The following KSR2 variants were observed in gnomAD, a reference collection of about 807,000 sequenced individuals.
KSR2 encodes kinase suppressor of ras 2.
Under a neutral mutation model 107.8 loss-of-function variants are expected in KSR2, and 25 were observed. The ratio of observed to expected loss-of-function variants is 0.23; its 90% CI spans 0.17 to 0.32. The LOEUF is 0.32. KSR2 is among the 10% of genes least tolerant of loss of function. The pLI is 1.00. For synonymous variants in KSR2, 480 were observed against 507.0 expected (o/e 0.95, Z 0.71); for missense variants, 887 against 1,268.9 (o/e 0.70, Z 4.57).
At chr12:117,545,885 T>G (rs1876831942) in intron 9 of KSR2, among the ~76,000 whole-genome samples, 1 of 152,196 alleles carries the variant, frequency 6.6e-6, no homozygotes, top group South Asian at 2.1e-4. Context: ...TTTACCAGTT[T>G]GAGTGAAGTT....
At chr12:117,638,756 T>C (rs2136396214) in intron 5 of KSR2, among the ~76,000 whole-genome samples, 1 of 152,092 alleles carries the variant, frequency 6.6e-6, no homozygotes, top group East Asian at 1.9e-4. Flanking sequence ...ATTTCTCAAG[T>C]TCAAATTCAG....
chr12:117,555,241 A>G lies in KSR2; in HGVS notation c.1446T>C (p.Pro482=). The change falls in exon 9 of 20, where the codon CCT becomes CCC. Residue 482 remains proline (P), a synonymous_variant. Transcript: ENST00000339824. The part of the protein sequence containing the change: ...TESVPCDINN[P]LRKPPRYSDL... ...CTGAATAGCGAGGTGGCTTCCGTAG[A>G]GGGTTGTTGATGTCACACGGAACGG... 1.2e-6 allele frequency: 2 copies of G among 1,613,824 alleles called. No individual in the cohort carries two copies. The highest frequency in any genetic ancestry group is 8.5e-7 in the Non-Finnish European group (1 of 1,179,768).
intron 3 of KSR2, among the ~76,000 whole-genome samples, chr12:117,839,917 C>A (rs1023466142): frequency 1.3e-5 from 2 of 152,162 alleles, no homozygotes; most frequent in Admixed American, 6.5e-5. Flanking sequence ...GAGGAGGATT[C>A]TTTTCCTTCA....
rs1210857154 is a variant in KSR2 at position 117,887,804 on chromosome 12, A to C, written c.181-27373T>G. ...GTTTCCTTTCATGCATTAAAAAATAAAAATAAAAAAAAATTTTAAAAAACT... is the reference window on the plus strand; with the variant it reads ...GTTTCCTTTCATGCATTAAAAAATACAAATAAAAAAAAATTTTAAAAAACT... On this transcript the variant is annotated intron_variant, in intron 1 of 19. Transcript: ENST00000339824. Among the ~76,000 whole-genome samples, 4 of 152,166 alleles carry C rather than the reference A, an allele frequency of 2.6e-5. No individual in the cohort carries two copies. The East Asian group carries it at 5.8e-4, about 22-fold the overall frequency.
At chr12:117,624,665 TC>T (rs1882372365) in intron 5 of KSR2, among the ~76,000 whole-genome samples, 1 of 152,200 alleles carries the variant, frequency 6.6e-6, no homozygotes, top group Non-Finnish European at 1.5e-5. Context: ...CCAGCTTTGT[TC>T]TTTTGGCTTA....
chr12:117,870,621 A>G (rs960443174), intron 1 of KSR2, among the ~76,000 whole-genome samples: 3 of 152,122 alleles, frequency 2.0e-5, no homozygotes, highest in African/African-American at 7.2e-5. Context: ...GAAAAGAAAA[A>G]AAAATTATCT....
At chr12:117,786,019 A>G (rs546413079) in intron 3 of KSR2, among the ~76,000 whole-genome samples, 1 of 152,340 alleles carries the variant, frequency 6.6e-6, no homozygotes, top group South Asian at 2.1e-4. Flanking sequence ...GCCTAGGCAC[A>G]TCATAATCAA....
chr12:117,476,994 C>A (rs1871826597), intron 16 of KSR2, among the ~76,000 whole-genome samples: 1 of 152,182 alleles, frequency 6.6e-6, no homozygotes, highest in Non-Finnish European at 1.5e-5. Flanking sequence ...ATAATTTTAA[C>A]CCTAAAAACA....
In KSR2 at chr12:117,538,894, G is replaced by A. The variant is rs1814644840; in HGVS notation, c.1687+825C>T. The stretch of plus-strand genomic sequence containing the variant: ...TGCCATAAATATGGCTGAGTTGGAA[G>A]CATTCTTAGGGCCCTAGCAGAGGAA... On this transcript the variant is annotated intron_variant, in intron 10 of 19. Transcript: ENST00000339824. Among the ~76,000 whole-genome samples the A allele has an allele frequency of 5.3e-5, 8 of 152,232 alleles. No homozygotes were observed. In the South Asian group the frequency reaches 1.7e-3, roughly 32 times the overall value.
At chr12:117,707,883 T>C (rs1247804177) in intron 4 of KSR2, among the ~76,000 whole-genome samples, 1 of 152,192 alleles carries the variant, frequency 6.6e-6, no homozygotes, top group Non-Finnish European at 1.5e-5. Flanking sequence ...ATCAATGATC[T>C]CTGGTAGTAT....
chr12:117,846,333 G>A (rs950097079), intron 3 of KSR2, among the ~76,000 whole-genome samples: 4 of 138,882 alleles, frequency 2.9e-5, no homozygotes, highest in Admixed American at 1.5e-4. Context: ...TCACTCTGTC[G>A]CCCAGGCTGG....
At chr12:117,831,551 C>T (rs1003665457) in intron 3 of KSR2, among the ~76,000 whole-genome samples, 6 of 152,176 alleles carry the variant, frequency 3.9e-5, no homozygotes, top group Admixed American at 2.0e-4. Context: ...TGCAAGACTG[C>T]TGGAAGGATT....
At chr12:117,806,394 C>A (rs1891007828) in intron 3 of KSR2, among the ~76,000 whole-genome samples, 1 of 152,172 alleles carries the variant, frequency 6.6e-6, no homozygotes, top group Non-Finnish European at 1.5e-5. Flanking sequence ...TAACTGCAAC[C>A]AGGAGCGAGA....
At chr12:117,546,765 A>C (rs1308444795) in intron 9 of KSR2, among the ~76,000 whole-genome samples, 1 of 152,112 alleles carries the variant, frequency 6.6e-6, no homozygotes, top group African/African-American at 2.4e-5. Flanking sequence ...CCATCCACTG[A>C]ATTTTTTATC....
intron 1 of KSR2, among the ~76,000 whole-genome samples, chr12:117,862,471 G>A (rs1893333577): frequency 6.6e-6 from 1 of 151,968 alleles, no homozygotes; most frequent in South Asian, 2.1e-4. Flanking sequence ...TTTGAGACCA[G>A]CCTGGGCTAT....
At chr12:117,952,846 G>A (rs150893672) in intron 1 of KSR2, among the ~76,000 whole-genome samples, 2,921 of 152,060 alleles carry the variant, frequency 0.019, 101 homozygotes, top group African/African-American at 0.067. Context: ...TTAGCTGGGC[G>A]TGGTGGCGCA....
At chr12:117,499,298 G>C (rs1254315611) in intron 14 of KSR2, among the ~76,000 whole-genome samples, 2 of 152,186 alleles carry the variant, frequency 1.3e-5, no homozygotes, top group African/African-American at 4.8e-5. Context: ...AGCTATCTCT[G>C]GCTACTGGGA....
intron 5 of KSR2, among the ~76,000 whole-genome samples, chr12:117,602,894 G>A (rs1390492259): frequency 6.6e-6 from 1 of 152,104 alleles, no homozygotes; most frequent in Non-Finnish European, 1.5e-5. Context: ...CTAGGCCCAG[G>A]AACTGTCTTG....
chr12:117,552,400 A>G (rs1877372457), intron 9 of KSR2, among the ~76,000 whole-genome samples: 1 of 152,172 alleles, frequency 6.6e-6, no homozygotes, highest in Non-Finnish European at 1.5e-5. Context: ...GTTGAATCTG[A>G]GCAGGCTTGT....
Sources: allele counts gnomAD v4.1 joint callset (sites outside exome capture counted in the v4.1 genomes callset), GRCh38; gene constraint gnomAD v4.1.1; transcripts MANE v1.5; gene names NCBI Gene and HGNC (gene_info 2026-07-23, HGNC 2026-07-21).